RAB4A: variants seen among roughly 807,000 people sequenced by gnomAD.
The protein encoded by RAB4A is RAB4A, member RAS oncogene family, also known as ras-related protein Rab-4A.
In RAB4A, 20 loss-of-function variants were observed where a neutral mutation model predicts 34.5. The ratio of observed to expected loss-of-function variants is 0.58; its 90% CI spans 0.41 to 0.84. The LOEUF (loss-of-function observed/expected upper bound fraction) is 0.84. Among genes scored for constraint, RAB4A ranks in the 40% least tolerant of loss-of-function variants. The probability of loss-of-function intolerance (pLI) is 0.00; values close to 1 mark genes in which losing one functional copy is unlikely to be tolerated. For missense variants in RAB4A, 228 were observed against 274.5 expected (o/e 0.83, Z 1.20); for synonymous variants, 102 against 100.0 (o/e 1.02, Z -0.12).
In RAB4A at chr1:229,271,325, G is replaced by A; in HGVS notation, c.-15G>A. On this transcript the variant is annotated 5_prime_UTR_variant, in exon 1 of 8. Transcript: ENST00000366690. The stretch of plus-strand genomic sequence containing the variant: ...TGCAGCCGGTGACCCGGCGAGAGGC[G>A]GCGCCGCTCCCAAGATGTCGCAGAC... The A allele has an allele frequency of 7.6e-7, 1 of 1,316,468 alleles. No individual in the cohort carries two copies. Among genetic ancestry groups the A allele is most frequent in the South Asian group, 2.1e-5 (1 of 47,716 alleles). The allele number at this position is 1,316,468 out of a possible 1,614,324, so 81.5% of individuals were successfully genotyped here.
In RAB4A at chr1:229,295,878, G is replaced by C; in HGVS notation, c.258G>C (p.Ala86=). The change falls in exon 4 of 8, where the codon GCG becomes GCC. Residue 86 remains alanine (A), a synonymous_variant. Transcript: ENST00000366690. ...TGACGAGAAGTTATTACCGAGGCGC[G>C]GCCGGGGCTCTCCTCGTCTATGATA... The part of the protein sequence containing the change: ...RSVTRSYYRG[A]AGALLVYDIT... 2 of 1,614,010 alleles carry C rather than the reference G, an allele frequency of 1.2e-6. No homozygotes were observed. The highest frequency in any genetic ancestry group is 2.2e-5 in the South Asian group (2 of 91,040).
chr1:229,271,840 C>T (rs1656492978), intron 1 of RAB4A, among the ~76,000 whole-genome samples: 1 of 152,208 alleles, frequency 6.6e-6, no homozygotes, highest in African/African-American at 2.4e-5. Context: ...ATTGGGATTA[C>T]AGTGAGGAGT....
chr1:229,292,646 C>G (rs1657122488), intron 3 of RAB4A, among the ~76,000 whole-genome samples: 1 of 152,162 alleles, frequency 6.6e-6, no homozygotes, highest in Admixed American at 6.5e-5. Flanking sequence ...AGCTTCCTGA[C>G]TAAGAGCTAA....
rs764315109 is a variant in RAB4A, at chr1:229,295,922, T to C, written c.290+12T>C. The stretch of plus-strand genomic sequence containing the variant: ...TATGATATCACCAGGTAATGCCAGC[T>C]CCCCCTGGTGAAGGAGGGTGCTCAG... On this transcript the variant is annotated intron_variant, in intron 4 of 7. Transcript: ENST00000366690. 6.2e-7 allele frequency: 1 copy of C among 1,613,672 alleles called. No individual in the cohort carries two copies. The highest frequency in any genetic ancestry group is 8.5e-7 in the Non-Finnish European group (1 of 1,179,680).
In RAB4A at chr1:229,276,847, T is replaced by C. The variant is rs959164002; in HGVS notation, c.31+5477T>C. On this transcript the variant is annotated intron_variant, in intron 1 of 7. Coordinates refer to ENST00000366690, the MANE Select transcript of RAB4A (RefSeq NM_004578.4). ...GTGACTTGAGCAGCTGTGCTGACTA[T>C]CTTACAGCTTGCCACACAGCATCTG... Among the ~76,000 whole-genome samples, 62 of 151,004 alleles carry C rather than the reference T, an allele frequency of 4.1e-4. 4 individuals carry two copies. The highest frequency in any genetic ancestry group is 1.5e-3 in the African/African-American group (59 of 40,462).
chr1:229,290,113 TG>T (rs1657028905), intron 3 of RAB4A, among the ~76,000 whole-genome samples: 2 of 152,118 alleles, frequency 1.3e-5, no homozygotes, highest in Admixed American at 1.3e-4. Flanking sequence ...AGTACTGTAA[TG>T]GGGGAAGCCA....
chr1:229,305,501 C>G lies in RAB4A; in HGVS notation c.*1708C>G, dbSNP rs1571840717. On this transcript the variant is annotated 3_prime_UTR_variant, in exon 8 of 8. Transcript: ENST00000366690. Reference sequence around the variant, plus strand: ...TGGCCAATAAAAGTTGCTGGAGAACCAAACCATGGTGGTTCTTAATCAGGC... The same window carrying G: ...TGGCCAATAAAAGTTGCTGGAGAACGAAACCATGGTGGTTCTTAATCAGGC... 2.3e-6 allele frequency: 1 copy of G among 433,928 alleles called. No individual in the cohort carries two copies. The highest frequency in any genetic ancestry group is 4.1e-6 in the Non-Finnish European group (1 of 244,264). The allele number at this position is 433,928 out of a possible 1,614,324, so 26.9% of individuals were successfully genotyped here. A position where few individuals can be genotyped will look rare whatever the true frequency, so the allele number is the denominator to read the frequency against.
At chr1:229,292,557 A>G (rs1348887830) in intron 3 of RAB4A, among the ~76,000 whole-genome samples, 1 of 152,186 alleles carries the variant, frequency 6.6e-6, no homozygotes, top group Admixed American at 6.5e-5. Flanking sequence ...TCTACCTGCC[A>G]CCAGTCCTTA....
chr1:229,287,924 T>C (rs1160058512), intron 2 of RAB4A, among the ~76,000 whole-genome samples: 2 of 152,380 alleles, frequency 1.3e-5, no homozygotes, highest in Middle Eastern at 3.4e-3. Flanking sequence ...TTTCAGCTTA[T>C]CTGTTTATCA....
intron 3 of RAB4A, 133 bp from the exon 4 acceptor site, chr1:229,295,715 C>A (rs1657234672): frequency 2.6e-6 from 2 of 778,980 alleles, no homozygotes; most frequent in East Asian, 2.6e-5. Flanking sequence ...ATCTTTGAAT[C>A]ATTTCTCTTT....
chr1:229,286,598 G>T, intron 2 of RAB4A, 32 bp downstream of exon 2: 1 of 1,359,112 alleles, frequency 7.4e-7, no homozygotes, highest in South Asian at 1.4e-5. Flanking sequence ...ATTCTTCCGT[G>T]CATGTCTTCT....
chr1:229,276,952 G>T (rs1656666053), intron 1 of RAB4A, among the ~76,000 whole-genome samples: 1 of 148,648 alleles, frequency 6.7e-6, no homozygotes, highest in East Asian at 1.9e-4. Flanking sequence ...GCCAGGATGG[G>T]AGTAGTTTTC....
At chr1:229,296,226 A>G (rs556049015) in intron 4 of RAB4A, among the ~76,000 whole-genome samples, 10 of 152,304 alleles carry the variant, frequency 6.6e-5, no homozygotes, top group African/African-American at 2.4e-4. Flanking sequence ...TATGTATGGA[A>G]AGTTATTAGA....
rs1297678338 is a variant in RAB4A at position 229,300,428 on chromosome 1, A to G, written c.541+1356A>G. ...GACTGATTAATGCTTTAACAAGGAT[A>G]TGGAAGCAGAGATGGAGAGAGAGAT... On this transcript the variant is annotated intron_variant, in intron 6 of 7. Transcript: ENST00000366690. 6.6e-5 allele frequency among the ~76,000 whole-genome samples: 10 copies of G among 152,368 alleles called. No homozygotes were observed. In the South Asian group the frequency reaches 1.4e-3, roughly 22 times the overall value.
chr1:229,284,094 GTTTTTTTTTTTTTTT>G (rs773213321), intron 1 of RAB4A, among the ~76,000 whole-genome samples: 1 of 45,904 alleles, frequency 2.2e-5, no homozygotes, highest in African/African-American at 1.0e-4. Context: ...GTGTTGTTTG[GTTTTTTTTTTTTTTT>G]TTTTTTTTTG....
At chr1:229,273,223 A>G (rs1409723458) in intron 1 of RAB4A, among the ~76,000 whole-genome samples, 2 of 152,224 alleles carry the variant, frequency 1.3e-5, no homozygotes, top group African/African-American at 2.4e-5. Context: ...TCGTATACGC[A>G]TGATAACAAC....
chr1:229,271,173 G>T lies in RAB4A; in HGVS notation c.-167G>T, dbSNP rs1032412308. ...AGGGCCCTGCGCCTGCGCGGAGCTGGAGTCCGGCTGGGCCGCAGCCGCTGG... is the reference window on the plus strand; with the variant it reads ...AGGGCCCTGCGCCTGCGCGGAGCTGTAGTCCGGCTGGGCCGCAGCCGCTGG... On this transcript the variant is annotated 5_prime_UTR_variant, in exon 1 of 8. Coordinates refer to ENST00000366690, the MANE Select transcript of RAB4A (RefSeq NM_004578.4). 8 of 559,302 alleles carry T rather than the reference G, an allele frequency of 1.4e-5. No individual in the cohort carries two copies. The highest frequency in any genetic ancestry group is 4.6e-5 in the Admixed American group (1 of 21,518). The allele number at this position is 559,302 out of a possible 1,614,324, so 34.6% of individuals were successfully genotyped here.
At chr1:229,273,362 C>T (rs1656550427) in intron 1 of RAB4A, among the ~76,000 whole-genome samples, 1 of 152,206 alleles carries the variant, frequency 6.6e-6, no homozygotes, top group Non-Finnish European at 1.5e-5. Context: ...ATGGTAACTT[C>T]CAAGTATGTT....
chr1:229,281,376 T>C (rs1378593842), intron 1 of RAB4A, among the ~76,000 whole-genome samples: 2 of 152,168 alleles, frequency 1.3e-5, no homozygotes, highest in African/African-American at 2.4e-5. Flanking sequence ...GTATTAATAG[T>C]TATGTAATGA....
Sources: allele counts gnomAD v4.1 joint callset (sites outside exome capture counted in the v4.1 genomes callset), GRCh38; gene constraint gnomAD v4.1.1; transcripts MANE v1.5; gene names NCBI Gene and HGNC (gene_info 2026-07-23, HGNC 2026-07-21).